Variants in DMD observed in about 807,000 individuals in gnomAD.
The protein encoded by DMD is dystrophin.
DMD carries 63 observed loss-of-function variants against 330.1 expected under a neutral mutation model. That is an observed-to-expected ratio of 0.19 (90% confidence interval 0.16 to 0.24). DMD has a LOEUF of 0.24. DMD is among the 10% of genes least tolerant of loss of function. The probability of loss-of-function intolerance (pLI) is 1.00; values close to 1 mark genes in which losing one functional copy is unlikely to be tolerated. For synonymous variants in DMD, 1,223 were observed against 959.8 expected (o/e 1.27, Z -5.07); for missense variants, 3,344 against 2,684.1 (o/e 1.25, Z -5.43).
intron 63 of DMD, among the ~76,000 whole-genome samples, chrX:31,228,267 T>TAAAAAAAAAAAAAAAAAAAAA (rs1367757647): frequency 7.6e-5 from 3 of 39,606 alleles, no homozygotes; most frequent in Non-Finnish European, 1.2e-4. Context: ...AAAAAAAAAA[T>TAAAAAAAAAAAAAAAAAAAAA]AAAAAAATAA....
intron 66 of DMD, among the ~76,000 whole-genome samples, chrX:31,206,028 A>G (rs1414153594): frequency 1.8e-5 from 2 of 112,611 alleles, no homozygotes; most frequent in East Asian, 5.5e-4. Context: ...GAAGAACCCA[A>G]TGCGTAATCA....
chrX:31,175,883 G>A (rs902720467), intron 71 of DMD, among the ~76,000 whole-genome samples: 2 of 111,329 alleles, frequency 1.8e-5, no homozygotes, highest in East Asian at 2.8e-4. Context: ...GACAGACAAC[G>A]TAAAGGCCTA....
At chrX:32,828,841 A>C (rs2078952806) in intron 4 of DMD, among the ~76,000 whole-genome samples, 1 of 111,111 alleles carries the variant, frequency 9.0e-6, no homozygotes, top group Non-Finnish European at 1.9e-5. Flanking sequence ...CAAATACATC[A>C]CTTTGTTAAC....
intron 5 of DMD, among the ~76,000 whole-genome samples, chrX:32,820,380 T>G (rs1051774180): frequency 9.0e-6 from 1 of 111,149 alleles, no homozygotes; most frequent in African/African-American, 3.3e-5. Flanking sequence ...AGGCGGAGCT[T>G]GCAGTGAGCA....
chrX:33,317,111 GT>G (rs1370549990), intron 1 of DMD, among the ~76,000 whole-genome samples: 3 of 109,822 alleles, frequency 2.7e-5, no homozygotes, highest in African/African-American at 9.9e-5. Context: ...TATTTTGAAG[GT>G]TTTTTTTCTT....
intron 44 of DMD, among the ~76,000 whole-genome samples, chrX:32,115,197 T>C (rs1342016977): frequency 9.0e-6 from 1 of 111,362 alleles, no homozygotes; most frequent in Non-Finnish European, 1.9e-5. Flanking sequence ...TCCAGTCCCA[T>C]GTCTTTAAAA....
chrX:31,326,961 T>TA (rs749715919), intron 61 of DMD, among the ~76,000 whole-genome samples: 1 of 112,432 alleles, frequency 8.9e-6, no homozygotes, highest in African/African-American at 3.2e-5. Context: ...GCCTACGTAA[T>TA]AGACACACAC....
chrX:32,152,409 T>C (rs1219613472), intron 44 of DMD, among the ~76,000 whole-genome samples: 2 of 111,732 alleles, frequency 1.8e-5, no homozygotes, highest in Non-Finnish European at 3.8e-5. Flanking sequence ...GATCATAGTG[T>C]TGGACAGTTC....
At chrX:32,488,981 A>G (rs192341691) in intron 20 of DMD, among the ~76,000 whole-genome samples, 1 of 111,194 alleles carries the variant, frequency 9.0e-6, no homozygotes, top group Non-Finnish European at 1.9e-5. Context: ...AACTTATCAC[A>G]AAAGTCTCAA....
At chrX:31,896,090 T>A (rs1215666772) in intron 47 of DMD, among the ~76,000 whole-genome samples, 1 of 111,951 alleles carries the variant, frequency 8.9e-6, no homozygotes, top group Admixed American at 9.5e-5. Flanking sequence ...CAGGGTTTAG[T>A]ATGACTAAAA....
At chrX:32,417,085 A>T (rs16990337) in intron 29 of DMD, among the ~76,000 whole-genome samples, 20,092 of 111,218 alleles carry the variant, frequency 0.18, 1,640 homozygotes, top group African/African-American at 0.31. Context: ...GTCACTATGG[A>T]TATGAATGCA....
Position 32,342,039 on chromosome X carries a change from G to T in DMD, c.5922+61C>A. On this transcript the variant is annotated intron_variant, in intron 41 of 78. Coordinates refer to ENST00000357033, the MANE Select transcript of DMD (RefSeq NM_004006.3). ...TTTGTCTCTTTTTTTTTTATTAGTA[G>T]GCCTCTGTTAATAGAGTAGTAGTTG... 4 of 1,059,942 alleles carry T rather than the reference G, an allele frequency of 3.8e-6. No individual in the cohort carries two copies. The Admixed American group carries it at 7.2e-5, about 19-fold the overall frequency. 87.4% of individuals were successfully genotyped at this position (1,059,942 alleles called of 1,213,427 possible). A position where few individuals can be genotyped will look rare whatever the true frequency, so the allele number is the denominator to read the frequency against.
chrX:32,099,331 T>G (rs919647890), intron 44 of DMD, among the ~76,000 whole-genome samples: 15 of 111,199 alleles, frequency 1.3e-4, no homozygotes, highest in Non-Finnish European at 2.8e-4. Flanking sequence ...GAAGGCAGTG[T>G]GGCGATTCCT....
chrX:32,790,625 GC>G (rs2075745525), intron 7 of DMD, among the ~76,000 whole-genome samples: 1 of 111,562 alleles, frequency 9.0e-6, no homozygotes, highest in Admixed American at 9.5e-5. Context: ...GGCTGCAACT[GC>G]TGGGGCCAAG....
chrX:32,945,788 T>G (rs1483159427), intron 2 of DMD, among the ~76,000 whole-genome samples: 1 of 111,836 alleles, frequency 8.9e-6, no homozygotes, highest in Non-Finnish European at 1.9e-5. Context: ...TATTTTTTCC[T>G]TCTGATCTTT....
intron 1 of DMD, among the ~76,000 whole-genome samples, chrX:33,306,547 T>C (rs966249459): frequency 9.1e-6 from 1 of 110,461 alleles, no homozygotes; most frequent in Admixed American, 9.7e-5. Context: ...TTTCCACTGA[T>C]AGAATGGTAG....
intron 74 of DMD, among the ~76,000 whole-genome samples, chrX:31,149,634 T>G (rs1383897078): frequency 5.3e-5 from 6 of 112,172 alleles, no homozygotes; most frequent in Non-Finnish European, 9.4e-5. Flanking sequence ...AATGTTTTAC[T>G]TGTTACTCTT....
chrX:32,897,889 T>C (rs1327684267), intron 2 of DMD, among the ~76,000 whole-genome samples: 4 of 111,954 alleles, frequency 3.6e-5, no homozygotes, highest in Non-Finnish European at 7.5e-5. Context: ...TCTCATAGTA[T>C]TCTGCCAAAA....
chrX:32,119,554 A>G (rs16998268), intron 44 of DMD, among the ~76,000 whole-genome samples: 318 of 110,947 alleles, frequency 2.9e-3, no homozygotes, highest in African/African-American at 0.01. Flanking sequence ...TCAAGGTCCC[A>G]TTACTCAGTA....
Sources: gnomAD v4.1 joint callset for allele counts (sites outside exome capture counted in the v4.1 genomes callset) on GRCh38, gnomAD v4.1.1 for gene constraint, MANE v1.5 for transcripts, NCBI Gene and HGNC (gene_info 2026-07-23, HGNC 2026-07-21) for gene names.